Variants in COX7B2 observed in about 807,000 individuals in gnomAD.
COX7B2 encodes the protein cytochrome c oxidase subunit 7B2.
For synonymous variants in COX7B2, 37 were observed against 32.1 expected, an observed-to-expected ratio of 1.15 and a Z score of -0.51; for missense variants, 109 against 95.9, an observed-to-expected ratio of 1.14 and a Z score of -0.57.
chr4:46,748,218 G>A (rs1231898616), intron 2 of COX7B2, among the ~76,000 whole-genome samples: 2 of 152,152 alleles, frequency 1.3e-5, no homozygotes, highest in Non-Finnish European at 2.9e-5. Context: ...CCTTAAGTAT[G>A]TCTTACAACA....
At chr4:46,738,366 G>A (rs1484723525) in intron 2 of COX7B2, among the ~76,000 whole-genome samples, 2 of 152,020 alleles carry the variant, frequency 1.3e-5, no homozygotes, top group African/African-American at 2.4e-5. Context: ...CATCTAGCCT[G>A]AATTTTCTTG....
intron 2 of COX7B2, among the ~76,000 whole-genome samples, chr4:46,776,436 G>T (rs1018617340): frequency 6.6e-6 from 1 of 151,722 alleles, no homozygotes; most frequent in Admixed American, 6.6e-5. Context: ...GTGTGTCTGT[G>T]TGTCTGTGTG....
At chr4:46,838,627 A>T (rs1447663364) in intron 2 of COX7B2, among the ~76,000 whole-genome samples, 1 of 152,068 alleles carries the variant, frequency 6.6e-6, no homozygotes, top group Non-Finnish European at 1.5e-5. Context: ...TTGATGCCTT[A>T]TTGGTATTCA....
intron 1 of COX7B2, among the ~76,000 whole-genome samples, chr4:46,899,771 G>A (rs1053185770): frequency 2.0e-5 from 3 of 152,008 alleles, no homozygotes; most frequent in Non-Finnish European, 2.9e-5. Flanking sequence ...AATTACACAG[G>A]CATTTTTGAC....
At chr4:46,787,177 G>A (rs1717793503) in intron 2 of COX7B2, among the ~76,000 whole-genome samples, 1 of 152,224 alleles carries the variant, frequency 6.6e-6, no homozygotes, top group Non-Finnish European at 1.5e-5. Flanking sequence ...GGCAGGTGCG[G>A]TGGCTCACGC....
At chr4:46,813,561 G>A (rs1206534643) in intron 2 of COX7B2, among the ~76,000 whole-genome samples, 1 of 152,136 alleles carries the variant, frequency 6.6e-6, no homozygotes, top group Non-Finnish European at 1.5e-5. Flanking sequence ...GTCGTGGGGT[G>A]GAGGGCAAGG....
intron 1 of COX7B2, among the ~76,000 whole-genome samples, chr4:46,867,556 T>C (rs1170111301): frequency 1.3e-5 from 2 of 152,190 alleles, no homozygotes; most frequent in South Asian, 2.1e-4. Context: ...TTAATTTGCG[T>C]GTAATTAATA....
At chr4:46,770,561 T>G (rs1716815625) in intron 2 of COX7B2, among the ~76,000 whole-genome samples, 1 of 152,074 alleles carries the variant, frequency 6.6e-6, no homozygotes, top group Non-Finnish European at 1.5e-5. Flanking sequence ...TCACACTACC[T>G]GATTTCTAAT....
intron 2 of COX7B2, among the ~76,000 whole-genome samples, chr4:46,770,894 G>A (rs1239795411): frequency 6.6e-6 from 1 of 152,052 alleles, no homozygotes; most frequent in Non-Finnish European, 1.5e-5. Context: ...TAAAGACAAA[G>A]CTTCTTGACA....
chr4:46,752,918 G>A (rs1263008265), intron 2 of COX7B2, among the ~76,000 whole-genome samples: 2 of 152,158 alleles, frequency 1.3e-5, no homozygotes, highest in Non-Finnish European at 2.9e-5. Flanking sequence ...GTATCAGGAT[G>A]ATGCTGCCCT....
In COX7B2 at chr4:46,897,868, T is replaced by A. The variant is rs947976836; in HGVS notation, c.-105+11292A>T. Among the ~76,000 whole-genome samples the A allele has an allele frequency of 2.6e-5, 4 of 152,350 alleles. No individual in the cohort carries two copies. In the South Asian group the frequency reaches 8.3e-4, roughly 32 times the overall value. On this transcript the variant is annotated intron_variant, in intron 1 of 2. Coordinates refer to ENST00000355591, the MANE Select transcript of COX7B2 (RefSeq NM_130902.3). Reference sequence around the variant, plus strand: ...GAATTTATCAGACTTCATTTTCTCTTACCTCACATTAAATCTGGTATTGTT... The same window carrying A: ...GAATTTATCAGACTTCATTTTCTCTAACCTCACATTAAATCTGGTATTGTT...
intron 1 of COX7B2, among the ~76,000 whole-genome samples, chr4:46,898,076 A>G (rs776809991): frequency 6.6e-6 from 1 of 152,102 alleles, no homozygotes; most frequent in Non-Finnish European, 1.5e-5. Flanking sequence ...TAGGTTGGAG[A>G]AGTCTGAACC....
intron 2 of COX7B2, among the ~76,000 whole-genome samples, chr4:46,826,575 G>C (rs549163003): frequency 2.2e-4 from 33 of 152,182 alleles, no homozygotes; most frequent in Middle Eastern, 3.4e-3. Context: ...GTTCATTGTA[G>C]CACTATGCAC....
intron 2 of COX7B2, among the ~76,000 whole-genome samples, chr4:46,767,191 CAAAA>C (rs982500881): frequency 5.9e-5 from 9 of 152,122 alleles, no homozygotes; most frequent in African/African-American, 1.9e-4. Context: ...AAGTGGCAAA[CAAAA>C]GAAAGTAGGA....
intron 2 of COX7B2, among the ~76,000 whole-genome samples, chr4:46,767,351 T>C (rs1300320948): frequency 6.6e-6 from 1 of 152,158 alleles, no homozygotes; most frequent in African/African-American, 2.4e-5. Context: ...TCAGATTACC[T>C]AAGTATATAA....
At chr4:46,789,395 A>G (rs1717916665) in intron 2 of COX7B2, among the ~76,000 whole-genome samples, 1 of 152,164 alleles carries the variant, frequency 6.6e-6, no homozygotes, top group South Asian at 2.1e-4. Flanking sequence ...CCATCACAAA[A>G]ATAATCTCAA....
At chr4:46,849,556 C>T (rs1164802138) in intron 1 of COX7B2, among the ~76,000 whole-genome samples, 1 of 151,886 alleles carries the variant, frequency 6.6e-6, no homozygotes, top group Non-Finnish European at 1.5e-5. Context: ...AGGTGGCTTG[C>T]ATGAAAATGG....
At chr4:46,843,385 T>G (rs1334082552) in intron 2 of COX7B2, among the ~76,000 whole-genome samples, 1 of 152,030 alleles carries the variant, frequency 6.6e-6, no homozygotes, top group Non-Finnish European at 1.5e-5. Context: ...AAGTAGTGAT[T>G]TGCATTCCTC....
chr4:46,850,623 G>A (rs1716613814), intron 1 of COX7B2, among the ~76,000 whole-genome samples: 1 of 151,976 alleles, frequency 6.6e-6, no homozygotes, highest in Non-Finnish European at 1.5e-5. Context: ...TGAACACATT[G>A]TTAGCCTGTA....
Sources: gnomAD v4.1 joint callset for allele counts (sites outside exome capture counted in the v4.1 genomes callset) on GRCh38, gnomAD v4.1.1 for gene constraint, MANE v1.5 for transcripts, NCBI Gene and HGNC (gene_info 2026-07-23, HGNC 2026-07-21) for gene names.